The following KDM4B variants were observed in gnomAD, a reference collection of about 807,000 sequenced individuals.
KDM4B encodes lysine-specific demethylase 4B.
In KDM4B, 32 loss-of-function variants were observed where a neutral mutation model predicts 125.2. The observed-to-expected ratio is 0.26, with a 90% CI of 0.19 to 0.34. KDM4B has a LOEUF of 0.34. Ranked by LOEUF, KDM4B falls within the 10% of genes least tolerant of loss-of-function variation. The pLI, the probability that KDM4B is intolerant of heterozygous loss-of-function variation, is 1.00. For synonymous variants in KDM4B, 721 were observed against 677.9 expected, an observed-to-expected ratio of 1.06 and a Z score of -0.99; for missense variants, 1,190 against 1,577.7, an observed-to-expected ratio of 0.75 and a Z score of 4.16.
intron 8 of KDM4B, among the ~76,000 whole-genome samples, chr19:5,079,715 C>T (rs551097285): frequency 6.6e-6 from 1 of 152,330 alleles, no homozygotes; most frequent in South Asian, 2.1e-4. Context: ...TCAGTAATGG[C>T]ATTTACTTTA....
At chr19:5,120,499 CA>C (rs11343525) in intron 11 of KDM4B, among the ~76,000 whole-genome samples, 14,602 of 102,878 alleles carry the variant, frequency 0.14, 1,012 homozygotes, top group African/African-American at 0.22. Flanking sequence ...GCTGGCAAGA[CA>C]GGGGGCAGCC....
chr19:5,022,331 C>T (rs1177826714), intron 2 of KDM4B, among the ~76,000 whole-genome samples: 1 of 152,176 alleles, frequency 6.6e-6, no homozygotes, highest in African/African-American at 2.4e-5. Context: ...CTCACACCAC[C>T]TCTCTTGGGT....
In KDM4B at chr19:5,024,393, C is replaced by T. The variant is rs534761590; in HGVS notation, c.-26+8054C>T. Among the ~76,000 whole-genome samples, 15 of 152,246 alleles carry T rather than the reference C, an allele frequency of 9.9e-5. No homozygotes were observed. The East Asian group carries it at 1.4e-3, about 14-fold the overall frequency. ...AGACTGAAGAGTGAGGGTGGCAGCC[C>T]GGGAGGGTATCCTTGGGCCCAGTGT... On this transcript the variant is annotated intron_variant, in intron 2 of 22. Coordinates refer to ENST00000159111, the MANE Select transcript of KDM4B (RefSeq NM_015015.3).
At position 5,077,409 on chromosome 19, in the gene KDM4B, G is replaced by A. The variant is rs1206749582; in HGVS notation, c.719G>A (p.Arg240Gln). The change falls in exon 8 of 23, where the codon CGG (arginine) becomes CAG (glutamine). Residue 240 changes from arginine (R) to glutamine (Q), a missense_variant. Physicochemically the swap from Arg to Gln is conservative, Grantham distance 43. This residue lies in a region of KDM4B where 75 missense variants were observed against 218.2 expected (regional missense o/e 0.34). Transcript: ENST00000159111. ...TCGCAGGGCTGCGACGCCTTCCTGC[G>A]GCATAAGATGACCCTCATCTCGCCC... ...GSSQGCDAFL[R>Q]HKMTLISPII... is the part of the protein sequence containing the mutation. The A allele has an allele frequency of 1.2e-6, 2 of 1,613,304 alleles. No homozygotes were observed.
intron 1 of KDM4B, among the ~76,000 whole-genome samples, chr19:4,982,679 C>G (rs1239701794): frequency 6.6e-6 from 1 of 151,738 alleles, no homozygotes; most frequent in Non-Finnish European, 1.5e-5. Context: ...GTGGCGAGAT[C>G]TCGGCTCACT....
chr19:5,150,472 G>A lies in KDM4B; in HGVS notation c.3114+22G>A, dbSNP rs562493035. 3.3e-6 allele frequency: 5 copies of A among 1,521,662 alleles called. No homozygotes were observed. In the East Asian group the frequency reaches 9.8e-5, roughly 30 times the overall value. The allele number at this position is 1,521,662 out of a possible 1,614,324, so 94.3% of individuals were successfully genotyped here. On this transcript the variant is annotated intron_variant, in intron 22 of 22. Coordinates refer to ENST00000159111, the MANE Select transcript of KDM4B (RefSeq NM_015015.3). ...GCTGGTGAGTGCGCGAGGCTGGCCTGGTGGCTCCGGGTGACTCAGGGAGCC... is the reference window on the plus strand; with the variant it reads ...GCTGGTGAGTGCGCGAGGCTGGCCTAGTGGCTCCGGGTGACTCAGGGAGCC...
Position 5,128,886 on chromosome 19 carries a change from G to T in KDM4B, c.1316-2190G>T, listed in dbSNP as rs1466496930. ...GGGGGGGGGGGTCATATAACAGCGG[G>T]GGGCCCGGATACCAGCGGAGGGGAA... On this transcript the variant is annotated intron_variant, in intron 11 of 22. Transcript: ENST00000159111. 6.6e-5 allele frequency among the ~76,000 whole-genome samples: 10 copies of T among 151,928 alleles called. No individual in the cohort carries two copies. The East Asian group carries it at 1.8e-3, about 27-fold the overall frequency.
At chr19:5,052,317 C>T (rs1251343615) in intron 6 of KDM4B, among the ~76,000 whole-genome samples, 6 of 135,970 alleles carry the variant, frequency 4.4e-5, no homozygotes, top group Admixed American at 8.4e-5. Flanking sequence ...TGTGCATGGG[C>T]GCATGTGTGC....
intron 10 of KDM4B, among the ~76,000 whole-genome samples, chr19:5,118,247 G>A (rs1213626104): frequency 6.6e-6 from 1 of 152,242 alleles, no homozygotes; most frequent in Non-Finnish European, 1.5e-5. Flanking sequence ...AGGTGTCCGA[G>A]TCTGAGCCCA....
intron 9 of KDM4B, among the ~76,000 whole-genome samples, chr19:5,098,301 A>G (rs1484648361): frequency 6.6e-6 from 1 of 152,236 alleles, no homozygotes; most frequent in Non-Finnish European, 1.5e-5. Flanking sequence ...TACAGTTTAC[A>G]AAAGCACTCC....
At chr19:5,061,487 T>C (rs1163633253) in intron 6 of KDM4B, among the ~76,000 whole-genome samples, 1 of 152,194 alleles carries the variant, frequency 6.6e-6, no homozygotes, top group Non-Finnish European at 1.5e-5. Flanking sequence ...TATTAGTATC[T>C]GCCACATAAA....
intron 1 of KDM4B, among the ~76,000 whole-genome samples, chr19:5,006,331 C>T (rs1289431798): frequency 1.3e-5 from 2 of 152,254 alleles, no homozygotes; most frequent in Middle Eastern, 3.4e-3. Context: ...CCGCAGCCCA[C>T]GGCCATTCTC....
At position 5,035,898 on chromosome 19, in the gene KDM4B, T is replaced by TGC. The variant is rs1555696867; in HGVS notation, c.141+2872_141+2873dup. ...GTGTGTGTGCGCGCGCGCGCGCGCC[T>TGC]GCGCGCACAGGAGACTGAGGTGGGG... On this transcript the variant is annotated intron_variant, in intron 3 of 22. Transcript: ENST00000159111. This position sits in a 1 kb window ranked among gnomAD's most constrained non-coding sequence, Gnocchi z 5.3. 0.01 allele frequency among the ~76,000 whole-genome samples: 786 copies of TGC among 78,242 alleles called. 11 individuals are homozygous for TGC. In the East Asian group the frequency reaches 0.24, roughly 24 times the overall value. 51.3% of individuals were successfully genotyped at this position (78,242 alleles called of 152,430 possible). A position where few individuals can be genotyped will look rare whatever the true frequency, so the allele number is the denominator to read the frequency against.
At chr19:5,040,639 G>A (rs976098910) in intron 4 of KDM4B, among the ~76,000 whole-genome samples, 1 of 152,152 alleles carries the variant, frequency 6.6e-6, no homozygotes, top group African/African-American at 2.4e-5. Context: ...TAGCCTCCGT[G>A]CTGCGCAGGC....
chr19:5,083,823 C>A (rs988531974), intron 9 of KDM4B, among the ~76,000 whole-genome samples: 1 of 152,220 alleles, frequency 6.6e-6, no homozygotes, highest in South Asian at 2.1e-4. Flanking sequence ...CAGTGCAGAG[C>A]CTTCCAGTTC....
intron 1 of KDM4B, among the ~76,000 whole-genome samples, chr19:4,986,961 A>AT (rs935730351): frequency 3.0e-4 from 44 of 146,704 alleles, no homozygotes; most frequent in Middle Eastern, 3.5e-3. Flanking sequence ...ATTTTATTTT[A>AT]TTTTTTTTTT....
chr19:5,134,049 C>T lies in KDM4B; in HGVS notation c.2073C>T (p.Tyr691=), dbSNP rs752302128. The part of the protein sequence containing the change: ...EPYCAICTLF[Y]PYCQALQTEK... ...ACTGCGCCATCTGCACGCTCTTCTA[C>T]CCCTACTGCCAGGTGGGCAGGCGGG... Residue 691 remains tyrosine (Y), a synonymous_variant, in exon 14 of 23, where the codon TAC becomes TAT. Coordinates refer to ENST00000159111, the MANE Select transcript of KDM4B (RefSeq NM_015015.3). 1.9e-6 allele frequency: 3 copies of T among 1,589,376 alleles called. No individual in the cohort carries two copies. The highest frequency in any genetic ancestry group is 2.6e-6 in the Non-Finnish European group (3 of 1,165,838).
intron 10 of KDM4B, chr19:5,111,298 C>T (rs1020455202): frequency 3.2e-5 from 23 of 714,866 alleles, no homozygotes; most frequent in Non-Finnish European, 5.9e-5. Context: ...GGTGGGGCTG[C>T]TTGGATTTGA....
intron 1 of KDM4B, among the ~76,000 whole-genome samples, chr19:4,973,020 C>G (rs895983376): frequency 2.0e-5 from 3 of 152,150 alleles, no homozygotes; most frequent in Non-Finnish European, 4.4e-5. Context: ...TTGGCTGCCC[C>G]CAGGGGTGGC....
Sources: gnomAD v4.1 joint callset for allele counts (sites outside exome capture counted in the v4.1 genomes callset) on GRCh38, gnomAD v4.1.1 for gene constraint, gnomAD v4.1.1 regional missense constraint, Gnocchi (gnomAD v3.1) non-coding constraint, MANE v1.5 for transcripts, NCBI Gene and HGNC (gene_info 2026-07-23, HGNC 2026-07-21) for gene names.